The following SV2C variants were observed in gnomAD, a reference collection of about 807,000 sequenced individuals.
The protein encoded by SV2C is solute carrier family 22 member B3.
In SV2C, 49 loss-of-function variants were observed where a neutral mutation model predicts 79.7. The ratio of observed to expected loss-of-function variants is 0.61; its 90% CI spans 0.49 to 0.78. The LOEUF (loss-of-function observed/expected upper bound fraction) is 0.78. SV2C is among the 30% of genes least tolerant of loss of function. SV2C has a pLI of 0.00. For synonymous variants in SV2C, 334 were observed against 333.2 expected, an observed-to-expected ratio of 1.00 and a Z score of -0.03; for missense variants, 833 against 912.9, an observed-to-expected ratio of 0.91 and a Z score of 1.13.
the SV2C span, among the ~76,000 whole-genome samples, chr5:75,949,559 C>T: frequency 6.6e-6 from 1 of 152,094 alleles, no homozygotes; most frequent in African/African-American, 2.4e-5. Flanking sequence ...TGGGAGATAG[C>T]TGGATCATAG....
chr5:76,219,161 C>T (rs11960832), intron 4 of SV2C, among the ~76,000 whole-genome samples: 64,335 of 152,004 alleles, frequency 0.42, 15,891 homozygotes, highest in African/African-American at 0.68. Flanking sequence ...TCCTCTCATC[C>T]TTGCCATATT....
At chr5:76,306,167 C>T (rs1038392440) in intron 12 of SV2C, among the ~76,000 whole-genome samples, 3 of 152,184 alleles carry the variant, frequency 2.0e-5, no homozygotes, top group African/African-American at 7.2e-5. Context: ...CCCCCATCAG[C>T]TTACAAAGTA....
At chr5:76,045,688 T>A in the SV2C span, among the ~76,000 whole-genome samples, 1 of 152,186 alleles carries the variant, frequency 6.6e-6, no homozygotes, top group African/African-American at 2.4e-5. Context: ...AATGCCAGTG[T>A]TTGGTTGCCT....
At chr5:76,135,874 G>A (rs12522597) in intron 2 of SV2C, among the ~76,000 whole-genome samples, 84,075 of 151,792 alleles carry the variant, frequency 0.55, 23,886 homozygotes, top group East Asian at 0.68. Context: ...AAGATGTGCA[G>A]CCATTTTCAG....
intron 12 of SV2C, among the ~76,000 whole-genome samples, chr5:76,343,741 T>C (rs1749486617): frequency 6.6e-6 from 1 of 152,186 alleles, no homozygotes; most frequent in South Asian, 2.1e-4. Flanking sequence ...ACAACAAGGT[T>C]TGTAGCAGCT....
the SV2C span, among the ~76,000 whole-genome samples, chr5:75,993,162 T>G: frequency 2.0e-5 from 3 of 152,126 alleles, no homozygotes; most frequent in African/African-American, 7.2e-5. Context: ...ATGTCTAATA[T>G]TTTAAATTAC....
chr5:76,115,788 T>C (rs1748245686), intron 1 of SV2C, among the ~76,000 whole-genome samples: 1 of 152,306 alleles, frequency 6.6e-6, no homozygotes, highest in African/African-American at 2.4e-5. Context: ...AAACCCATCT[T>C]TCTTAGAAAA....
the SV2C span, among the ~76,000 whole-genome samples, chr5:75,957,534 C>G: frequency 6.6e-6 from 1 of 152,014 alleles, no homozygotes; most frequent in Non-Finnish European, 1.5e-5. Flanking sequence ...AGCAGTAGCA[C>G]TATGTATTCA....
At chr5:75,928,905 G>A in the SV2C span, among the ~76,000 whole-genome samples, 2 of 152,064 alleles carry the variant, frequency 1.3e-5, no homozygotes, top group Non-Finnish European at 2.9e-5. Context: ...TAGTACAATT[G>A]GAATATTAAT....
intron 2 of SV2C, among the ~76,000 whole-genome samples, chr5:76,133,871 T>C (rs1473321815): frequency 1.3e-5 from 2 of 152,162 alleles, no homozygotes; most frequent in Non-Finnish European, 2.9e-5. Flanking sequence ...TAAAGGAATA[T>C]GTCAGCAGAA....
intron 4 of SV2C, among the ~76,000 whole-genome samples, chr5:76,214,274 A>G (rs1019170164): frequency 1.3e-5 from 2 of 152,130 alleles, no homozygotes; most frequent in Non-Finnish European, 2.9e-5. Flanking sequence ...TCCCAACACC[A>G]TTTATTGAAG....
At chr5:75,921,333 C>T in the SV2C span, 5 of 1,125,458 alleles carry the variant, frequency 4.4e-6, no homozygotes, top group East Asian at 1.2e-4. Context: ...GTGGAGCTCA[C>T]ATCCACATGC....
the SV2C span, among the ~76,000 whole-genome samples, chr5:76,020,806 C>A: frequency 6.6e-6 from 1 of 152,146 alleles, no homozygotes. Context: ...GTTAAGAAAG[C>A]AGGTGTGCTT....
At chr5:76,185,270 G>A (rs1427200041) in intron 2 of SV2C, among the ~76,000 whole-genome samples, 1 of 152,246 alleles carries the variant, frequency 6.6e-6, no homozygotes, top group Non-Finnish European at 1.5e-5. Flanking sequence ...TTGAGTGTCT[G>A]CAGCTTTTCC....
At chr5:76,147,201 T>C (rs1749463885) in intron 2 of SV2C, among the ~76,000 whole-genome samples, 3 of 152,206 alleles carry the variant, frequency 2.0e-5, no homozygotes, top group Admixed American at 2.0e-4. Context: ...ATAATTAAAA[T>C]GGAAAATTTT....
chr5:76,078,730 T>C (rs1411348055), upstream of SV2C: 3 of 556,034 alleles, frequency 5.4e-6, no homozygotes, highest in East Asian at 1.3e-4. Flanking sequence ...GGCAAGACCA[T>C]TCTAAAAGGC....
At chr5:76,119,217 G>C (rs1190658527) in intron 1 of SV2C, among the ~76,000 whole-genome samples, 3 of 152,226 alleles carry the variant, frequency 2.0e-5, no homozygotes, top group Admixed American at 6.5e-5. Context: ...TAAAGTGTGT[G>C]ATTAAAGCAG....
At chr5:76,173,682 T>C in intron 2 of SV2C, 1 of 1,613,876 alleles carries the variant, frequency 6.2e-7, no homozygotes, top group Non-Finnish European at 8.5e-7. Flanking sequence ...ACTGGAGTTT[T>C]TCTGTTAATT....
At chr5:76,146,781 G>A (rs1460545558) in intron 2 of SV2C, among the ~76,000 whole-genome samples, 1 of 68,166 alleles carries the variant, frequency 1.5e-5, no homozygotes, top group Non-Finnish European at 2.7e-5. Flanking sequence ...AGATGATAAA[G>A]GAATGAGTTT....
Sources: allele counts gnomAD v4.1 joint callset (sites outside exome capture counted in the v4.1 genomes callset), GRCh38; gene constraint gnomAD v4.1.1; transcripts MANE v1.5; gene names NCBI Gene and HGNC (gene_info 2026-07-23, HGNC 2026-07-21).